The following NLRP10 variants were observed in gnomAD, a reference collection of about 807,000 sequenced individuals.
NLRP10 encodes the protein NLR family pyrin domain containing 10.
A neutral mutation model predicts 8.2 loss-of-function variants in NLRP10; 7 were observed. The observed-to-expected ratio is 0.85, with a 90% CI of 0.48 to 1.60. The LOEUF (loss-of-function observed/expected upper bound fraction) is 1.60, where lower values mean the gene tolerates loss of function less well. NLRP10 is among the 40% of genes most tolerant of loss of function. The pLI, the probability that NLRP10 is intolerant of heterozygous loss-of-function variation, is 0.00. For missense variants in NLRP10, 814 were observed against 776.3 expected (o/e 1.05, Z -0.58); for synonymous variants, 338 against 314.0 (o/e 1.08, Z -0.81).
intron 2 of NLRP10, among the ~76,000 whole-genome samples, chr11:7,962,525 T>C (rs12419448): frequency 0.35 from 53,567 of 151,532 alleles, 9,528 homozygotes; most frequent in South Asian, 0.4. Context: ...CGTGAGCCAC[T>C]GCGCCCAGCC....
At chr11:7,963,977 A>G (rs2133646816) in intron 1 of NLRP10, among the ~76,000 whole-genome samples, 1 of 152,194 alleles carries the variant, frequency 6.6e-6, no homozygotes, top group East Asian at 1.9e-4. Flanking sequence ...GCTGGGGAGC[A>G]GTGGCATGAT....
chr11:7,964,012 C>T (rs572051629), intron 1 of NLRP10, among the ~76,000 whole-genome samples: 1 of 152,226 alleles, frequency 6.6e-6, no homozygotes, highest in Non-Finnish European at 1.5e-5. Context: ...ACCTCCACAT[C>T]CCACGTTCAA....
rs370358638 is a variant in NLRP10, at chr11:7,963,193, C to A, written c.289+14G>T. 1 of 1,609,946 alleles carries A rather than the reference C, an allele frequency of 6.2e-7. No homozygotes were observed. The highest frequency in any genetic ancestry group is 1.7e-5 in the Admixed American group (1 of 59,928). ...GTGCCATCCTGCCCTCCCCTTCCCC[C>A]GCTCCACACTCACCATGCAGACAAA... On this transcript the variant is annotated intron_variant, in intron 2 of 2. Coordinates refer to ENST00000691676, the MANE Select transcript of NLRP10 (RefSeq NM_001391958.1).
In NLRP10 at chr11:7,960,495, C is replaced by G. The variant is rs1589892187; in HGVS notation, c.1117G>C (p.Val373Leu). 6.2e-7 allele frequency: 1 copy of G among 1,614,180 alleles called. No individual in the cohort carries two copies. Residue 373 changes from valine to leucine, a missense_variant, in exon 3 of 3, where the codon GTT becomes CTT. By Grantham distance (32) the Val-to-Leu change is conservative. Coordinates refer to ENST00000691676, the MANE Select transcript of NLRP10 (RefSeq NM_001391958.1). ...CTGTTTCTAGGTGTCTCTAAGACAA[C>G]TTTGCCTCTCTCCATCTGCCCCTGC... The part of the protein sequence containing the change: ...WLQGQMERGK[V>L]VLETPRNSTD...
In NLRP10 at chr11:7,959,825, G is replaced by T. The variant is rs758542635; in HGVS notation, c.1787C>A (p.Ser596Ter). The T allele has an allele frequency of 7.4e-6, 12 of 1,613,796 alleles. No homozygotes were observed. Among genetic ancestry groups the T allele is most frequent in the Admixed American group, 1.7e-5 (1 of 59,986 alleles). The change falls in exon 3 of 3, where the codon TCA (serine) becomes TAA (stop). Residue 596 changes from serine to a stop codon, truncating the protein, a stop_gained. Transcript: ENST00000691676. LOFTEE classifies it low-confidence loss of function (END_TRUNC). ...GACAGAAAATAAATTCTGGCTCTGT[G>T]ATTTCTTTTCATTTGAATGTTTTAT... is the stretch of plus-strand genomic sequence containing the variant. Reference protein sequence around the residue: ...FKIKHSNEKKSQSQNLFSVKS... With the variant: ...FKIKHSNEKK
At position 7,962,306 on chromosome 11, in the gene NLRP10, A is replaced by G. The variant is rs1189055554; in HGVS notation, c.289+901T>C. Among the ~76,000 whole-genome samples the G allele has an allele frequency of 7.4e-5, 9 of 121,920 alleles. 1 individual carries two copies. The highest frequency in any genetic ancestry group is 2.8e-4 in the East Asian group (1 of 3,618). The allele number at this position is 121,920 out of a possible 152,430, so 80.0% of individuals were successfully genotyped here. On this transcript the variant is annotated intron_variant, in intron 2 of 2. Transcript: ENST00000691676. ...GCTGGAGTGCAGTGGCGCGATCTCG[A>G]CTCACTGCAAGCTCCGCCTCCCGGG... is the stretch of plus-strand genomic sequence containing the variant.
chr11:7,958,508 A>G lies in NLRP10; in HGVS notation c.*1136T>C, dbSNP rs1446248279. 6.6e-6 allele frequency among the ~76,000 whole-genome samples: 1 copy of G among 151,188 alleles called. No homozygotes were observed. Among genetic ancestry groups the G allele is most frequent in the African/African-American group, 2.4e-5 (1 of 41,166 alleles). Reference sequence around the variant, plus strand: ...GCGTCTTTTCAAATATTTATTTGCCATCTGTGTATCTTCTTTAATAAGCTG... The same window carrying G: ...GCGTCTTTTCAAATATTTATTTGCCGTCTGTGTATCTTCTTTAATAAGCTG... On this transcript the variant is annotated 3_prime_UTR_variant, in exon 3 of 3. Coordinates refer to ENST00000691676, the MANE Select transcript of NLRP10 (RefSeq NM_001391958.1).
In NLRP10 at chr11:7,960,796, G is replaced by T. The variant is rs1941707034; in HGVS notation, c.816C>A (p.Ser272Arg). 6.2e-7 allele frequency: 1 copy of T among 1,613,972 alleles called. No homozygotes were observed. Among genetic ancestry groups the T allele is most frequent in the Non-Finnish European group, 8.5e-7 (1 of 1,180,040 alleles). Residue 272 changes from serine (S) to arginine (R), a missense_variant, in exon 3 of 3, where the codon AGC becomes AGA. Ser to Arg is a moderately radical substitution (Grantham distance 110). Coordinates refer to ENST00000691676, the MANE Select transcript of NLRP10 (RefSeq NM_001391958.1). ...GTCTCCTAATTAGAAGGTGCAGCAG[G>T]CTCTCCTTGGGACTCAAACCCCTCT... The part of the protein sequence containing the change: ...LKKRGLSPKE[S>R]LLHLLIRRHT...
chr11:7,960,413 C>T lies in NLRP10; in HGVS notation c.1199G>A (p.Gly400Asp), dbSNP rs994412727. ...STFLPPDDDGGCSELSRHRVL... is the reference protein window; with the variant it reads ...STFLPPDDDGDCSELSRHRVL... ...CCTGTGCCGGGAAAGCTCGGAGCAG[C>T]CCCCATCATCATCGGGCGGCAGAAA... The change falls in exon 3 of 3, where the codon GGC (glycine) becomes GAC (aspartate). Residue 400 changes from glycine (G) to aspartate (D), a missense_variant. By Grantham distance (94) the Gly-to-Asp change is moderately conservative (BLOSUM62 -1). Coordinates refer to ENST00000691676, the MANE Select transcript of NLRP10 (RefSeq NM_001391958.1). 1.2e-6 allele frequency: 2 copies of T among 1,613,962 alleles called. No homozygotes were observed. Among genetic ancestry groups the T allele is most frequent in the South Asian group, 1.1e-5 (1 of 91,088 alleles).
In NLRP10 at chr11:7,957,945, A is replaced by C. The variant is rs1034487257; in HGVS notation, c.*1699T>G. ...TCTCCATAGTTTTTCATTTTTCATA[A>C]GAGCATATATTTGGAATTACACAGT... On this transcript the variant is annotated 3_prime_UTR_variant, in exon 3 of 3. Transcript: ENST00000691676. Among the ~76,000 whole-genome samples, 4 of 152,308 alleles carry C rather than the reference A, an allele frequency of 2.6e-5. No homozygotes were observed. The highest frequency in any genetic ancestry group is 9.6e-5 in the African/African-American group (4 of 41,562).
Position 7,960,154 on chromosome 11 carries a change from C to T in NLRP10, c.1458G>A (p.Arg486=), listed in dbSNP as rs752840325. The change falls in exon 3 of 3, where the codon CGG becomes CGA. Residue 486 remains arginine (R), a synonymous_variant. Coordinates refer to ENST00000691676, the MANE Select transcript of NLRP10 (RefSeq NM_001391958.1). ...MSYLVKEDQS[R]LGKESRREVQ... is the part of the protein sequence containing the mutation. ...CTTCTCTGCGGGACTCCTTCCCCAG[C>T]CGGCTTTGGTCCTCTTTCACCAGGT... The T allele has an allele frequency of 5.0e-6, 8 of 1,614,082 alleles. No homozygotes were observed. The South Asian group carries it at 8.8e-5, about 18-fold the overall frequency.
At position 7,961,017 on chromosome 11, in the gene NLRP10, G is replaced by A. The variant is rs779476266; in HGVS notation, c.595C>T (p.Arg199Trp). ...CTTACATAAAAGACATAATCAAACCGGCCTGGGTACAGAGTACCGGTGGCC... is the reference window on the plus strand; with the variant it reads ...CTTACATAAAAGACATAATCAAACCAGCCTGGGTACAGAGTACCGGTGGCC... ...DWATGTLYPG[R>W]FDYVFYVSCK... The change falls in exon 3 of 3, where the codon CGG (arginine) becomes TGG (tryptophan). Residue 199 changes from arginine to tryptophan, a missense_variant. Transcript: ENST00000691676. 6.2e-6 allele frequency: 10 copies of A among 1,614,032 alleles called. No individual in the cohort carries two copies. The highest frequency in any genetic ancestry group is 3.3e-5 in the South Asian group (3 of 91,080).
rs1444587274 is a variant in NLRP10 at position 7,958,286 on chromosome 11, A to G, written c.*1358T>C. On this transcript the variant is annotated 3_prime_UTR_variant, in exon 3 of 3. Coordinates refer to ENST00000691676, the MANE Select transcript of NLRP10 (RefSeq NM_001391958.1). ...ATAGTAAAACTATGTTTAGCTTTGTAAGAAACTGCCAAACTGTCTTTCAAA... is the reference window on the plus strand; with the variant it reads ...ATAGTAAAACTATGTTTAGCTTTGTGAGAAACTGCCAAACTGTCTTTCAAA... 6.6e-6 allele frequency among the ~76,000 whole-genome samples: 1 copy of G among 152,190 alleles called. No individual in the cohort carries two copies. The highest frequency in any genetic ancestry group is 1.5e-5 in the Non-Finnish European group (1 of 68,030).
In NLRP10 at chr11:7,961,119, C is replaced by T. The variant is rs373747719; in HGVS notation, c.493G>A (p.Ala165Thr). The change falls in exon 3 of 3, where the codon GCC (alanine) becomes ACC (threonine). Residue 165 changes from alanine (A) to threonine (T), a missense_variant. By Grantham distance (58) the Ala-to-Thr change is moderately conservative. Coordinates refer to ENST00000691676, the MANE Select transcript of NLRP10 (RefSeq NM_001391958.1). ...LFDSGEKPSLAPSLVVLQGSA... is the reference protein window; with the variant it reads ...LFDSGEKPSLTPSLVVLQGSA... ...CCCTGTAGCACAACTAAGGATGGGGCCAGTGAGGGCTTTTCCCCTGAATCA... is the reference window on the plus strand; with the variant it reads ...CCCTGTAGCACAACTAAGGATGGGGTCAGTGAGGGCTTTTCCCCTGAATCA... 20 of 1,613,982 alleles carry T rather than the reference C, an allele frequency of 1.2e-5. No homozygotes were observed. The East Asian group carries it at 1.8e-4, about 14-fold the overall frequency.
In NLRP10 at chr11:7,961,137, C is replaced by G. The variant is rs1426418941; in HGVS notation, c.475G>C (p.Gly159Arg). The change falls in exon 3 of 3, where the codon GGG (glycine) becomes CGG (arginine). Residue 159 changes from glycine (G) to arginine (R), a missense_variant. Transcript: ENST00000691676. ...GATGGGGCCAGTGAGGGCTTTTCCC[C>G]TGAATCAAATAGAGCCTCCACCGTG... ...SVTVEALFDS[G>R]EKPSLAPSLV... 6.2e-7 allele frequency: 1 copy of G among 1,614,046 alleles called. No homozygotes were observed. The highest frequency in any genetic ancestry group is 1.3e-5 in the African/African-American group (1 of 75,002).
chr11:7,962,301 T>C (rs180786295), intron 2 of NLRP10, among the ~76,000 whole-genome samples: 1 of 129,154 alleles, frequency 7.7e-6, no homozygotes, highest in African/African-American at 2.8e-5. Flanking sequence ...AGTGGCGCGA[T>C]CTCGACTCAC....
Position 7,959,865 on chromosome 11 carries a change from T to C in NLRP10, c.1747A>G (p.Asn583Asp), listed in dbSNP as rs1399087266. 2 of 1,613,294 alleles carry C rather than the reference T, an allele frequency of 1.2e-6. No homozygotes were observed. The highest frequency in any genetic ancestry group is 8.5e-7 in the Non-Finnish European group (1 of 1,179,292). ...KNLVKGIQMN[N>D]VSFKIKHSNE... ...GAATGTTTTATCTTGAATGATACAT[T>C]GTTCATCTGAATACCTTTTACCAGA... Residue 583 changes from asparagine (N) to aspartate (D), a missense_variant, in exon 3 of 3, where the codon AAT (asparagine) becomes GAT (aspartate). Physicochemically the swap from Asn to Asp is conservative, Grantham distance 23. Transcript: ENST00000691676.
intron 1 of NLRP10, 100 bp from the exon 2 acceptor site, chr11:7,963,640 A>T: frequency 1.6e-6 from 1 of 639,964 alleles, no homozygotes; most frequent in Non-Finnish European, 2.7e-6. Context: ...GAGAGACGAG[A>T]TACATGTGCA....
In NLRP10 at chr11:7,960,361, T is replaced by A. The variant is rs1043138520; in HGVS notation, c.1251A>T (p.Ala417=). Residue 417 remains alanine, a synonymous_variant, in exon 3 of 3, where the codon GCA becomes GCT. Transcript: ENST00000691676. ...HRVLRSLCSL[A]AEGIQHQRFL... is the part of the protein sequence containing the mutation. ...ACCTCTGGTGCTGAATCCCTTCAGC[T>A]GCTAGGGAGCACAGACTCCTCAGGA... 5 of 1,613,916 alleles carry A rather than the reference T, an allele frequency of 3.1e-6. No homozygotes were observed. Among genetic ancestry groups the A allele is most frequent in the African/African-American group, 1.3e-5 (1 of 74,918 alleles).
Sources: allele counts gnomAD v4.1 joint callset (sites outside exome capture counted in the v4.1 genomes callset), GRCh38; gene constraint gnomAD v4.1.1; transcripts MANE v1.5; gene names NCBI Gene and HGNC (gene_info 2026-07-23, HGNC 2026-07-21).